MAGI2: variants seen among roughly 807,000 people sequenced by gnomAD.
MAGI2 encodes membrane associated guanylate kinase, WW and PDZ domain containing 2.
A neutral mutation model predicts 133.3 loss-of-function variants in MAGI2; 35 were observed. That is an observed-to-expected ratio of 0.26 (90% CI 0.20 to 0.35). The LOEUF (loss-of-function observed/expected upper bound fraction) is 0.35, where lower values mean the gene tolerates loss of function less well. Ranked by LOEUF, MAGI2 falls within the 10% of genes least tolerant of loss-of-function variation. MAGI2 has a pLI of 1.00. For synonymous variants in MAGI2, 729 were observed against 710.6 expected, an observed-to-expected ratio of 1.03 and a Z score of -0.41; for missense variants, 1,636 against 1,863.4, an observed-to-expected ratio of 0.88 and a Z score of 2.25.
intron 6 of MAGI2, among the ~76,000 whole-genome samples, chr7:78,489,108 C>T (rs1331499409): frequency 6.6e-6 from 1 of 152,016 alleles, no homozygotes; most frequent in African/African-American, 2.4e-5. Flanking sequence ...AGAGTATCAT[C>T]AGTAACAGAC....
chr7:78,867,400 T>C (rs978304059), intron 2 of MAGI2, among the ~76,000 whole-genome samples: 13 of 150,730 alleles, frequency 8.6e-5, no homozygotes, highest in African/African-American at 3.2e-4. Flanking sequence ...GGGACATGGA[T>C]GAAATTGGAA....
intron 6 of MAGI2, among the ~76,000 whole-genome samples, chr7:78,453,231 A>G (rs1461481252): frequency 6.6e-6 from 1 of 152,188 alleles, no homozygotes. Flanking sequence ...ACACCAAGGT[A>G]CTGCAGGGAC....
rs556661315 is a variant in MAGI2, at chr7:78,553,701, G to A, written c.539-32056C>T. Reference sequence around the variant, plus strand: ...TGCTCAACAGTTCTGTGACACAAGCGTTTGTGCAGACAAGTAAACCAGAGC... The same window carrying A: ...TGCTCAACAGTTCTGTGACACAAGCATTTGTGCAGACAAGTAAACCAGAGC... On this transcript the variant is annotated intron_variant, in intron 3 of 21. Transcript: ENST00000354212. Among the ~76,000 whole-genome samples, 87 of 152,292 alleles carry A rather than the reference G, an allele frequency of 5.7e-4. 1 individual carries two copies. In the South Asian group the frequency reaches 7.5e-3, roughly 13 times the overall value.
intron 1 of MAGI2, among the ~76,000 whole-genome samples, chr7:79,259,933 C>G (rs547331387): frequency 1.5e-3 from 231 of 152,290 alleles, no homozygotes; most frequent in African/African-American, 5.4e-3. Flanking sequence ...GTTTTCTTGA[C>G]TATGTTGGTC....
At position 78,364,141 on chromosome 7, in the gene MAGI2, T is replaced by C. The variant is rs555982366; in HGVS notation, c.1103+5015A>G. On this transcript the variant is annotated intron_variant, in intron 7 of 21. Coordinates refer to ENST00000354212, the MANE Select transcript of MAGI2 (RefSeq NM_012301.4). Reference sequence around the variant, plus strand: ...GCAGCCCATACTTTTGGCCACTAAGTGGCCAAAATTGATGTGTGCAAATTC... The same window carrying C: ...GCAGCCCATACTTTTGGCCACTAAGCGGCCAAAATTGATGTGTGCAAATTC... 2.0e-5 allele frequency among the ~76,000 whole-genome samples: 3 copies of C among 152,306 alleles called. No homozygotes were observed. In the South Asian group the frequency reaches 6.2e-4, roughly 32 times the overall value.
At position 78,807,409 on chromosome 7, in the gene MAGI2, T is replaced by G. The variant is rs539942712; in HGVS notation, c.419-180170A>C. ...GAGTGACACTGTTTTCTGAATCTCT[T>G]TAATGTCTGGGTTAATAGGAGTCAC... On this transcript the variant is annotated intron_variant, in intron 2 of 21. Transcript: ENST00000354212. 8.5e-5 allele frequency among the ~76,000 whole-genome samples: 13 copies of G among 152,312 alleles called. 1 individual carries two copies. In the South Asian group the frequency reaches 2.7e-3, roughly 32 times the overall value.
intron 2 of MAGI2, among the ~76,000 whole-genome samples, chr7:78,633,023 G>T (rs1809190016): frequency 6.6e-6 from 1 of 152,174 alleles, no homozygotes; most frequent in South Asian, 2.1e-4. Flanking sequence ...ACTGGATAAA[G>T]AAACATGGTA....
chr7:78,949,225 A>G (rs986293832), intron 2 of MAGI2, among the ~76,000 whole-genome samples: 2 of 152,192 alleles, frequency 1.3e-5, no homozygotes, highest in African/African-American at 4.8e-5. Flanking sequence ...ACAATTATTT[A>G]GAAAAGTTCT....
intron 2 of MAGI2, among the ~76,000 whole-genome samples, chr7:78,683,467 C>G (rs1033306025): frequency 3.9e-5 from 6 of 152,064 alleles, no homozygotes; most frequent in Admixed American, 2.0e-4. Flanking sequence ...GATTAGGGGG[C>G]CACTGATGAG....
chr7:78,921,825 G>C (rs1283060022), intron 2 of MAGI2, among the ~76,000 whole-genome samples: 1 of 152,008 alleles, frequency 6.6e-6, no homozygotes. Context: ...TTGGAGACAG[G>C]TTTCGCCATG....
intron 2 of MAGI2, among the ~76,000 whole-genome samples, chr7:78,747,533 A>T (rs1315122509): frequency 6.6e-6 from 1 of 152,148 alleles, no homozygotes; most frequent in Non-Finnish European, 1.5e-5. Flanking sequence ...AGAAAAAAAA[A>T]ATCAAATAAA....
intron 16 of MAGI2, among the ~76,000 whole-genome samples, chr7:78,153,593 G>A (rs560649364): frequency 5.5e-4 from 84 of 152,220 alleles, no homozygotes; most frequent in Non-Finnish European, 1.0e-3. Flanking sequence ...AGGTTGAGAC[G>A]AACAAAAGAA....
chr7:79,235,496 G>A (rs1228236884), intron 1 of MAGI2, among the ~76,000 whole-genome samples: 2 of 152,214 alleles, frequency 1.3e-5, no homozygotes, highest in Non-Finnish European at 2.9e-5. Context: ...TAATCTCGTG[G>A]TGTGCCGTTT....
At chr7:78,921,481 A>C (rs1799218603) in intron 2 of MAGI2, among the ~76,000 whole-genome samples, 1 of 152,150 alleles carries the variant, frequency 6.6e-6, no homozygotes, top group African/African-American at 2.4e-5. Flanking sequence ...ATTGTGATAT[A>C]AGTGGCCTTT....
chr7:78,224,871 T>C (rs1009767677), intron 10 of MAGI2, among the ~76,000 whole-genome samples: 4 of 152,054 alleles, frequency 2.6e-5, no homozygotes, highest in African/African-American at 9.7e-5. Flanking sequence ...TCACTCAGCA[T>C]CAAGTCACTG....
chr7:78,723,545 G>A (rs1820468651), intron 2 of MAGI2, among the ~76,000 whole-genome samples: 1 of 152,166 alleles, frequency 6.6e-6, no homozygotes, highest in African/African-American at 2.4e-5. Context: ...AGAAAAATAG[G>A]TAAAATTAGG....
chr7:79,317,841 G>A (rs1376826032), intron 1 of MAGI2, among the ~76,000 whole-genome samples: 1 of 150,906 alleles, frequency 6.6e-6, no homozygotes, highest in Non-Finnish European at 1.5e-5. Flanking sequence ...CTTTGCATTT[G>A]TTTACTTAAC....
At chr7:78,153,113 A>G (rs1824050604) in intron 16 of MAGI2, among the ~76,000 whole-genome samples, 1 of 152,186 alleles carries the variant, frequency 6.6e-6, no homozygotes, top group African/African-American at 2.4e-5. Context: ...TGACATAGAG[A>G]AGGCTAAGGC....
chr7:78,868,793 G>A (rs546347038), intron 2 of MAGI2, among the ~76,000 whole-genome samples: 3 of 151,550 alleles, frequency 2.0e-5, no homozygotes, highest in South Asian at 2.1e-4. Flanking sequence ...TTCCTCTGTC[G>A]CCCAGGCTGG....
Sources: gnomAD v4.1 joint callset for allele counts (sites outside exome capture counted in the v4.1 genomes callset) on GRCh38, gnomAD v4.1.1 for gene constraint, MANE v1.5 for transcripts, NCBI Gene and HGNC (gene_info 2026-07-23, HGNC 2026-07-21) for gene names.